The following DCTN1 variants were observed in gnomAD, a reference collection of about 807,000 sequenced individuals.
DCTN1 encodes the protein dynactin subunit 1.
A neutral mutation model predicts 161.2 loss-of-function variants in DCTN1; 61 were observed. That is an observed-to-expected ratio of 0.38 (90% CI 0.31 to 0.47). The LOEUF is 0.47. DCTN1 is among the 20% of genes least tolerant of loss of function. The pLI is 0.99. For synonymous variants in DCTN1, 653 were observed against 632.4 expected, an observed-to-expected ratio of 1.03 and a Z score of -0.49; for missense variants, 1,404 against 1,623.7, an observed-to-expected ratio of 0.86 and a Z score of 2.33.
upstream of DCTN1, chr2:74,380,688 G>A: frequency 4.9e-6 from 2 of 405,308 alleles, no homozygotes; most frequent in South Asian, 1.8e-5. Flanking sequence ...ATTCATGTGA[G>A]TAGGGCCTGG....
chr2:74,388,326 T>C lies in DCTN1; in HGVS notation c.-19+3468A>G, dbSNP rs553856897. Among the ~76,000 whole-genome samples, 5 of 152,268 alleles carry C rather than the reference T, an allele frequency of 3.3e-5. No homozygotes were observed. The East Asian group carries it at 9.6e-4, about 29-fold the overall frequency. On this transcript the variant is annotated intron_variant, in intron 1 of 27. Transcript: ENST00000409240. Reference sequence around the variant, plus strand: ...GGCTGTAGTGCGTGATGATCTTGTCTGTGAATAGCCACTGCACTCCAGCCT... The same window carrying C: ...GGCTGTAGTGCGTGATGATCTTGTCCGTGAATAGCCACTGCACTCCAGCCT...
In DCTN1 at chr2:74,361,298, T is replaced by C; in HGVS notation, c.*201A>G. On this transcript the variant is annotated 3_prime_UTR_variant, in exon 32 of 32. Coordinates refer to ENST00000628224, the MANE Select transcript of DCTN1 (RefSeq NM_004082.5). ...GAGGGAGCAGTTGAACAACAAATTATGGCAGAGGCCAGGGAATGGGAGTGG... is the reference window on the plus strand; with the variant it reads ...GAGGGAGCAGTTGAACAACAAATTACGGCAGAGGCCAGGGAATGGGAGTGG... 2 of 776,022 alleles carry C rather than the reference T, an allele frequency of 2.6e-6. No individual in the cohort carries two copies. Among genetic ancestry groups the C allele is most frequent in the Non-Finnish European group, 4.4e-6 (2 of 456,904 alleles). 48.1% of individuals were successfully genotyped at this position (776,022 alleles called of 1,614,324 possible). A position where few individuals can be genotyped will look rare whatever the true frequency, so the allele number is the denominator to read the frequency against.
In DCTN1 at chr2:74,371,714, G is replaced by C. The variant is rs925172100; in HGVS notation, c.468C>G (p.Ala156=). 3 of 1,608,410 alleles carry C rather than the reference G, an allele frequency of 1.9e-6. No homozygotes were observed. Among genetic ancestry groups the C allele is most frequent in the Non-Finnish European group, 2.5e-6 (3 of 1,178,404 alleles). Reference sequence around the variant, plus strand: ...TACTGGCCCCAGCCACCCCAGTACTGGCTGGGCGCGTGGGCTATTCAGAAA... The same window carrying C: ...TACTGGCCCCAGCCACCCCAGTACTCGCTGGGCGCGTGGGCTATTCAGAAA... ...TTRRPKPTRP[A]STGVAGASSS... The change falls in exon 8 of 32, where the codon GCC becomes GCG. Residue 156 remains alanine (A), a synonymous_variant. Coordinates refer to ENST00000628224, the MANE Select transcript of DCTN1 (RefSeq NM_004082.5).
chr2:74,368,742 G>A lies in DCTN1; in HGVS notation c.1840C>T (p.Arg614Cys), dbSNP rs1674609133. 3.7e-6 allele frequency: 6 copies of A among 1,614,200 alleles called. No homozygotes were observed. Among genetic ancestry groups the A allele is most frequent in the Non-Finnish European group, 3.4e-6 (4 of 1,180,044 alleles). The change falls in exon 16 of 32, where the codon CGT becomes TGT. Residue 614 changes from arginine (R) to cysteine (C), a missense_variant. Transcript: ENST00000628224. ...ATTGGCCATACCTTGCAAATGAGAC[G>A]AGGCATGAGCAACAGCACCAGAACG... is the stretch of plus-strand genomic sequence containing the variant. ...DCVLVLLLMP[R>C]LICKAELIRK...
chr2:74,368,244 G>A, intron 16 of DCTN1, 113 bp from the exon 17 acceptor site: 1 of 1,398,962 alleles, frequency 7.1e-7, no homozygotes, highest in South Asian at 1.3e-5. Context: ...ACACATGGGA[G>A]AGAAAGCAGA....
intron 8 of DCTN1, 131 bp downstream of exon 8, chr2:74,371,406 T>C (rs549222008): frequency 1.8e-5 from 23 of 1,246,000 alleles, no homozygotes; most frequent in South Asian, 2.9e-5. Context: ...AAGATATCCA[T>C]AGGCTATGTC....
chr2:74,363,538 G>C, intron 27 of DCTN1, 76 bp downstream of exon 27: 1 of 1,599,632 alleles, frequency 6.3e-7, no homozygotes. Context: ...CTCCAGTCCT[G>C]GCTTCCCCCT....
intron 1 of DCTN1, chr2:74,390,865 T>C: frequency 5.7e-6 from 1 of 174,224 alleles, no homozygotes; most frequent in Non-Finnish European, 1.3e-5. Context: ...GAACTCCAAT[T>C]CCCAAACGGT....
rs1558943273 is a variant in DCTN1 at position 74,371,553 on chromosome 2, A to C, written c.629T>G (p.Leu210Arg). ...AGGCCTTACCTTGGATGGGGAAGGAAGCGGGGGGACTGCTCCAGGAGAGGT... is the reference window on the plus strand; with the variant it reads ...AGGCCTTACCTTGGATGGGGAAGGACGCGGGGGGACTGCTCCAGGAGAGGT... ...VLTSPGAVPP[L>R]PSPSKEEEGL... The change falls in exon 8 of 32, where the codon CTT (leucine) becomes CGT (arginine). Residue 210 changes from leucine to arginine, a missense_variant. Around this residue, in one of 9 missense-constraint regions of DCTN1, gnomAD observed 174 missense variants for 175.6 expected, o/e 0.99. Coordinates refer to ENST00000628224, the MANE Select transcript of DCTN1 (RefSeq NM_004082.5). 6.3e-7 allele frequency: 1 copy of C among 1,577,680 alleles called. No homozygotes were observed. The highest frequency in any genetic ancestry group is 8.6e-7 in the Non-Finnish European group (1 of 1,161,934).
Position 74,366,445 on chromosome 2 carries a change from C to A in DCTN1, c.2628+14G>T. 2 of 1,614,244 alleles carry A rather than the reference C, an allele frequency of 1.2e-6. No individual in the cohort carries two copies. Among genetic ancestry groups the A allele is most frequent in the Non-Finnish European group, 1.7e-6 (2 of 1,180,046 alleles). On this transcript the variant is annotated intron_variant, in intron 22 of 31. Coordinates refer to ENST00000628224, the MANE Select transcript of DCTN1 (RefSeq NM_004082.5). ...AACTCTCCCCACACCTTCTACCCAG[C>A]CATCCAGGCCCACCTGCTCGCTTGC... is the stretch of plus-strand genomic sequence containing the variant.
Position 74,376,863 on chromosome 2 carries a change from G to C in DCTN1, c.394-101C>G, listed in dbSNP as rs189803244. The C allele has an allele frequency of 3.9e-6, 4 of 1,021,368 alleles. No homozygotes were observed. In the South Asian group the frequency reaches 5.5e-5, roughly 14 times the overall value. 63.3% of individuals were successfully genotyped at this position (1,021,368 alleles called of 1,614,324 possible). ...ACACAGGTTAGACGCGGGTAGGGGG[G>C]AGTCAGGGTGAGATGAGTAGCCCCT... On this transcript the variant is annotated intron_variant, in intron 4 of 31. Transcript: ENST00000628224.
At chr2:74,374,525 G>C in intron 5 of DCTN1, 185 bp from the exon 6 acceptor site, 1 of 1,420,540 alleles carries the variant, frequency 7.0e-7, no homozygotes, top group African/African-American at 1.4e-5. Flanking sequence ...TCAGCCTCCC[G>C]GTGCGGCAGC....
intron 1 of DCTN1, among the ~76,000 whole-genome samples, chr2:74,379,315 C>T (rs926355538): frequency 1.1e-4 from 17 of 152,054 alleles, no homozygotes; most frequent in African/African-American, 4.1e-4. Flanking sequence ...TATGGGAGAC[C>T]CTTCTGATAC....
intron 15 of DCTN1, 102 bp from the exon 16 acceptor site, chr2:74,368,982 G>A: frequency 6.4e-7 from 1 of 1,571,292 alleles, no homozygotes; most frequent in Non-Finnish European, 8.8e-7. Context: ...GGCAAGCCCA[G>A]GCCAGAGTCT....
At chr2:74,361,986 G>A in intron 31 of DCTN1, 66 bp downstream of exon 31, 4 of 1,536,204 alleles carry the variant, frequency 2.6e-6, no homozygotes, top group Non-Finnish European at 3.6e-6. Context: ...CTCCAATTCT[G>A]GAGGAGAGGG....
chr2:74,364,977 C>T lies in DCTN1; in HGVS notation c.3196+98G>A, dbSNP rs1233796193. 2.2e-5 allele frequency: 34 copies of T among 1,513,998 alleles called. No individual in the cohort carries two copies. The East Asian group carries it at 2.7e-4, about 12-fold the overall frequency. The allele number at this position is 1,513,998 out of a possible 1,614,324, so 93.8% of individuals were successfully genotyped here. A position where few individuals can be genotyped will look rare whatever the true frequency, so the allele number is the denominator to read the frequency against. ...GTAAGCATGTTCCTGGCTGAATACCCGGGGGTAAGGGGGGTGGGGCAGAGG... is the reference window on the plus strand; with the variant it reads ...GTAAGCATGTTCCTGGCTGAATACCTGGGGGTAAGGGGGGTGGGGCAGAGG... On this transcript the variant is annotated intron_variant, in intron 26 of 31. Coordinates refer to ENST00000628224, the MANE Select transcript of DCTN1 (RefSeq NM_004082.5).
chr2:74,373,228 C>T, intron 6 of DCTN1: 1 of 520,102 alleles, frequency 1.9e-6, no homozygotes, highest in African/African-American at 1.9e-5. Context: ...TCCCAGAAGT[C>T]CATCTCTAGG....
intron 26 of DCTN1, 161 bp downstream of exon 26, chr2:74,364,914 G>C: frequency 1.2e-6 from 1 of 864,976 alleles, no homozygotes; most frequent in Non-Finnish European, 1.9e-6. Context: ...TTCAGCGGAA[G>C]GGAAAACTTG....
chr2:74,368,748 T>C lies in DCTN1; in HGVS notation c.1834A>G (p.Met612Val), dbSNP rs765357786. The stretch of plus-strand genomic sequence containing the variant: ...CATACCTTGCAAATGAGACGAGGCA[T>C]GAGCAACAGCACCAGAACGCAGTCA... The part of the protein sequence containing the change: ...DHDCVLVLLL[M>V]PRLICKAELI... Residue 612 changes from methionine (M) to valine (V), a missense_variant, in exon 16 of 32, where the codon ATG becomes GTG. Physicochemically the swap from Met to Val is conservative, Grantham distance 21. Around this residue, in one of 9 missense-constraint regions of DCTN1, gnomAD observed 475 missense variants for 489.8 expected, o/e 0.97. Coordinates refer to ENST00000628224, the MANE Select transcript of DCTN1 (RefSeq NM_004082.5). 1 of 1,614,244 alleles carries C rather than the reference T, an allele frequency of 6.2e-7. No homozygotes were observed. The highest frequency in any genetic ancestry group is 2.2e-5 in the East Asian group (1 of 44,884).
Sources: allele counts gnomAD v4.1 joint callset (sites outside exome capture counted in the v4.1 genomes callset), GRCh38; gene constraint gnomAD v4.1.1; regional missense constraint gnomAD v4.1.1; transcripts MANE v1.5; gene names NCBI Gene and HGNC (gene_info 2026-07-23, HGNC 2026-07-21).